PLSCR4: variants seen among roughly 807,000 people sequenced by gnomAD.
PLSCR4 encodes the protein phospholipid scramblase 4.
A neutral mutation model predicts 36.3 loss-of-function variants in PLSCR4; 25 were observed. That is an observed-to-expected ratio of 0.69 (90% CI 0.50 to 0.96). The LOEUF (loss-of-function observed/expected upper bound fraction) is 0.96. PLSCR4 is among the 40% of genes least tolerant of loss of function. The pLI, the probability that PLSCR4 is intolerant of heterozygous loss-of-function variation, is 0.00. For synonymous variants in PLSCR4, 122 were observed against 132.9 expected, an observed-to-expected ratio of 0.92 and a Z score of 0.56; for missense variants, 408 against 414.7, an observed-to-expected ratio of 0.98 and a Z score of 0.14.
chr3:146,231,826 G>T (rs115750424), intron 1 of PLSCR4, among the ~76,000 whole-genome samples: 2,560 of 152,172 alleles, frequency 0.017, 76 homozygotes, highest in African/African-American at 0.058. Context: ...TCTGTTGATA[G>T]TTTCTTTTAC....
chr3:146,196,335 C>G, intron 7 of PLSCR4: 1 of 283,014 alleles, frequency 3.5e-6, no homozygotes, highest in Non-Finnish European at 6.8e-6. Context: ...TTACATATAG[C>G]CAACAATAGA....
At chr3:146,212,042 ATATG>A (rs920559955) in intron 3 of PLSCR4, among the ~76,000 whole-genome samples, 2 of 152,016 alleles carry the variant, frequency 1.3e-5, no homozygotes, top group Non-Finnish European at 2.9e-5. Flanking sequence ...TTACATTTCC[ATATG>A]TATTTGAGGA....
At chr3:146,239,901 AT>A (rs2036078124) in intron 1 of PLSCR4, among the ~76,000 whole-genome samples, 1 of 150,144 alleles carries the variant, frequency 6.7e-6, no homozygotes, top group Admixed American at 6.6e-5. Context: ...GAAAAAAAAA[AT>A]ACTTAAATGC....
intron 1 of PLSCR4, among the ~76,000 whole-genome samples, chr3:146,247,896 A>G (rs1440514107): frequency 6.6e-6 from 1 of 152,186 alleles, no homozygotes; most frequent in Non-Finnish European, 1.5e-5. Flanking sequence ...TACTGTGATA[A>G]CGGGCGTGAG....
At chr3:146,246,494 C>A (rs1391192618) in intron 1 of PLSCR4, among the ~76,000 whole-genome samples, 1 of 151,900 alleles carries the variant, frequency 6.6e-6, no homozygotes, top group Non-Finnish European at 1.5e-5. Flanking sequence ...TAGCCACAGT[C>A]CATACATAAC....
chr3:146,223,718 A>T (rs1329476790), intron 1 of PLSCR4: 1 of 151,894 alleles, frequency 6.6e-6, no homozygotes, highest in African/African-American at 2.4e-5. Context: ...CCAGTCTTGG[A>T]CCATCTCCAC....
chr3:146,210,393 T>A (rs1239512362), intron 3 of PLSCR4, among the ~76,000 whole-genome samples: 1 of 152,066 alleles, frequency 6.6e-6, no homozygotes, highest in Non-Finnish European at 1.5e-5. Context: ...AGGCAATTTT[T>A]AAAAATGGAA....
rs376108842 is a variant in PLSCR4, at chr3:146,200,599, C to T, written c.397+436G>A. ...CTTCCAAAGCGAGGGCACTGCACTA[C>T]GATTTGGCAGATTTGGATTCTATTT... is the stretch of plus-strand genomic sequence containing the variant. On this transcript the variant is annotated intron_variant, in intron 5 of 8. Coordinates refer to ENST00000354952, the MANE Select transcript of PLSCR4 (RefSeq NM_020353.3). 1.3e-4 allele frequency among the ~76,000 whole-genome samples: 20 copies of T among 152,124 alleles called. No homozygotes were observed. In the South Asian group the frequency reaches 2.5e-3, roughly 19 times the overall value.
chr3:146,199,048 G>A lies in PLSCR4; in HGVS notation c.624+765C>T, dbSNP rs541253610. Among the ~76,000 whole-genome samples, 17 of 152,044 alleles carry A rather than the reference G, an allele frequency of 1.1e-4. No individual in the cohort carries two copies. The South Asian group carries it at 2.5e-3, about 22-fold the overall frequency. On this transcript the variant is annotated intron_variant, in intron 6 of 8. Transcript: ENST00000354952. The stretch of plus-strand genomic sequence containing the variant: ...TTACAGGTAAATAAGGCCTGGAGAC[G>A]GTTGTAAAAAATTAATATTTAGTAA...
chr3:146,236,917 G>A (rs2035943213), intron 1 of PLSCR4, among the ~76,000 whole-genome samples: 1 of 152,030 alleles, frequency 6.6e-6, no homozygotes, highest in South Asian at 2.1e-4. Flanking sequence ...AAGAAAGAAT[G>A]TAAGACATAT....
chr3:146,234,831 A>T (rs893152168), intron 1 of PLSCR4, among the ~76,000 whole-genome samples: 2 of 152,142 alleles, frequency 1.3e-5, no homozygotes, highest in Non-Finnish European at 2.9e-5. Flanking sequence ...ACTGATACAA[A>T]AGAGATGACT....
chr3:146,198,927 T>C lies in PLSCR4; in HGVS notation c.624+886A>G, dbSNP rs576387825. The stretch of plus-strand genomic sequence containing the variant: ...GATTTCTGAAAAGAGAAAATATTCA[T>C]TGAGTACTATACTATTTGCTAGGAA... On this transcript the variant is annotated intron_variant, in intron 6 of 8. Coordinates refer to ENST00000354952, the MANE Select transcript of PLSCR4 (RefSeq NM_020353.3). 3.3e-5 allele frequency among the ~76,000 whole-genome samples: 5 copies of C among 152,270 alleles called. No homozygotes were observed. The East Asian group carries it at 5.8e-4, about 18-fold the overall frequency.
intron 6 of PLSCR4, 134 bp from the exon 7 acceptor site, chr3:146,196,927 T>C: frequency 1.3e-6 from 1 of 743,698 alleles, no homozygotes; most frequent in Non-Finnish European, 2.2e-6. Flanking sequence ...GTGACAGCCT[T>C]CCATCTCACC....
At chr3:146,237,123 C>T (rs935081744) in intron 1 of PLSCR4, among the ~76,000 whole-genome samples, 4 of 151,738 alleles carry the variant, frequency 2.6e-5, no homozygotes, top group East Asian at 1.9e-4. Context: ...ACAAACAGGT[C>T]GAAAAAGGAA....
chr3:146,203,423 T>C (rs939766977), intron 4 of PLSCR4, among the ~76,000 whole-genome samples: 1 of 152,016 alleles, frequency 6.6e-6, no homozygotes. Context: ...CGTCAGGCGT[T>C]GACTTCTACT....
chr3:146,194,343 G>C lies in PLSCR4; in HGVS notation c.*68C>G. The C allele has an allele frequency of 9.9e-7, 1 of 1,008,126 alleles. No individual in the cohort carries two copies. Among genetic ancestry groups the C allele is most frequent in the Non-Finnish European group, 1.6e-6 (1 of 632,908 alleles). 62.4% of individuals were successfully genotyped at this position (1,008,126 alleles called of 1,614,324 possible). A position where few individuals can be genotyped will look rare whatever the true frequency, so the allele number is the denominator to read the frequency against. ...ATACACTTGCAAATAACTGAGTGCT[G>C]ACTGTAAGCCCAATCCAACTTTTCC... On this transcript the variant is annotated 3_prime_UTR_variant, in exon 9 of 9. Transcript: ENST00000354952.
chr3:146,216,275 G>A (rs2034887669), intron 3 of PLSCR4, among the ~76,000 whole-genome samples: 1 of 152,002 alleles, frequency 6.6e-6, no homozygotes, highest in South Asian at 2.1e-4. Context: ...AGTCCCATAG[G>A]CAGCCAGTTT....
At position 146,192,546 on chromosome 3, in the gene PLSCR4, TA is replaced by T. The variant is rs1357565529; in HGVS notation, c.*1864del. On this transcript the variant is annotated 3_prime_UTR_variant, in exon 9 of 9. Transcript: ENST00000354952. ...GAAAATTTTAACTCTAAGAGACAAA[TA>T]TAATTTTTTAAAAAAGAAATTAAAA... is the stretch of plus-strand genomic sequence containing the variant. The T allele has an allele frequency of 2.6e-5, 4 of 151,510 alleles. No individual in the cohort carries two copies. Among genetic ancestry groups the T allele is most frequent in the African/African-American group, 9.7e-5 (4 of 41,376 alleles). 9.4% of individuals were successfully genotyped at this position (151,510 alleles called of 1,614,324 possible).
At chr3:146,208,746 CA>C (rs1248218075) in intron 3 of PLSCR4, among the ~76,000 whole-genome samples, 1 of 151,922 alleles carries the variant, frequency 6.6e-6, no homozygotes, top group Non-Finnish European at 1.5e-5. Flanking sequence ...TGGCCATAAT[CA>C]AAAACTCAAA....
Sources: gnomAD v4.1 joint callset for allele counts (sites outside exome capture counted in the v4.1 genomes callset) on GRCh38, gnomAD v4.1.1 for gene constraint, MANE v1.5 for transcripts, NCBI Gene and HGNC (gene_info 2026-07-23, HGNC 2026-07-21) for gene names.